The following NACC2 variants were observed in gnomAD, a reference collection of about 807,000 sequenced individuals.
The protein encoded by NACC2 is nucleus accumbens-associated protein 2.
NACC2 carries 8 observed loss-of-function variants against 25.1 expected under a neutral mutation model. The observed-to-expected ratio is 0.32, with a 90% CI of 0.19 to 0.57. NACC2 has a LOEUF of 0.57. NACC2 is among the 20% of genes least tolerant of loss of function. The pLI, the probability that NACC2 is intolerant of heterozygous loss-of-function variation, is 0.89. For synonymous variants in NACC2, 435 were observed against 294.7 expected (o/e 1.48, Z -4.88); for missense variants, 644 against 650.2 (o/e 0.99, Z 0.10).
At chr9:136,031,342 C>CATTT (rs113507139) in intron 2 of NACC2, among the ~76,000 whole-genome samples, 4,190 of 152,088 alleles carry the variant, frequency 0.028, 205 homozygotes, top group African/African-American at 0.097. Context: ...TTCATTCATT[C>CATTT]ATTCATTCAT....
intron 2 of NACC2, among the ~76,000 whole-genome samples, chr9:136,042,749 GACAGAGACACACAC>G (rs1171837423): frequency 2.1e-5 from 3 of 142,968 alleles, no homozygotes; most frequent in Non-Finnish European, 3.0e-5. Context: ...CAGACACAGA[GACAGAGACACACAC>G]ACAGAGACAC....
At chr9:136,045,922 A>C (rs1588569712) in intron 2 of NACC2, among the ~76,000 whole-genome samples, 1 of 150,754 alleles carries the variant, frequency 6.6e-6, no homozygotes, top group East Asian at 2.0e-4. Flanking sequence ...GGCGCTGCCC[A>C]CCCGGCCGGC....
In NACC2 at chr9:136,020,431, C is replaced by T. The variant is rs1420333406; in HGVS notation, c.887-4002G>A. Among the ~76,000 whole-genome samples the T allele has an allele frequency of 6.6e-6, 1 of 152,072 alleles. No homozygotes were observed. Among genetic ancestry groups the T allele is most frequent in the East Asian group, 1.9e-4 (1 of 5,158 alleles). On this transcript the variant is annotated intron_variant, in intron 2 of 5. Transcript: ENST00000277554. The surrounding 1 kb of genome is among the most constrained non-coding windows in gnomAD (Gnocchi z 4.7). ...CAGAGTGTGTCATCGGGGACTCGCC[C>T]AGGTGACACCATCAGAGACCACGCA...
In NACC2 at chr9:136,055,906, TG is replaced by T. The variant is rs1840917583; in HGVS notation, c.-59-5327del. Among the ~76,000 whole-genome samples, 2 of 152,082 alleles carry T rather than the reference TG, an allele frequency of 1.3e-5. No homozygotes were observed. The highest frequency in any genetic ancestry group is 4.8e-5 in the African/African-American group (2 of 41,404). The stretch of plus-strand genomic sequence containing the variant: ...CCTGGAGCGTGAGAAGGTGTGGGGA[TG>T]GGGCGGGCCTGCTGTGCCAGGTGCT... On this transcript the variant is annotated intron_variant, in intron 1 of 5. Transcript: ENST00000277554. This position sits in a 1 kb window ranked among gnomAD's most constrained non-coding sequence, Gnocchi z 4.9.
chr9:136,066,913 T>C (rs1358056559), intron 1 of NACC2, among the ~76,000 whole-genome samples: 7 of 149,592 alleles, frequency 4.7e-5, no homozygotes, highest in Non-Finnish European at 8.9e-5. Flanking sequence ...ATTCCATTTA[T>C]ATAAAATGTC....
chr9:136,017,271 C>T (rs1840217846), intron 2 of NACC2, among the ~76,000 whole-genome samples: 1 of 152,172 alleles, frequency 6.6e-6, no homozygotes, highest in African/African-American at 2.4e-5. Context: ...CAGAGACGGG[C>T]CCCTCGGAGG....
intron 1 of NACC2, among the ~76,000 whole-genome samples, chr9:136,052,451 G>A (rs7033408): frequency 0.067 from 10,071 of 150,542 alleles, 595 homozygotes; most frequent in East Asian, 0.18. Context: ...GGGAGGGGGT[G>A]AGGGGGTCAG....
At chr9:136,046,389 C>T (rs1383655084) in intron 2 of NACC2, among the ~76,000 whole-genome samples, 1 of 152,218 alleles carries the variant, frequency 6.6e-6, no homozygotes, top group Non-Finnish European at 1.5e-5. Context: ...CACCCCACCC[C>T]CAGCTCATCT....
intron 2 of NACC2, among the ~76,000 whole-genome samples, chr9:136,044,533 C>G (rs980689516): frequency 2.0e-5 from 3 of 152,124 alleles, no homozygotes; most frequent in Admixed American, 1.3e-4. Flanking sequence ...TGGGCCCCAC[C>G]CTATCCAGGC....
At chr9:136,012,663 T>C (rs939912797) in intron 5 of NACC2, among the ~76,000 whole-genome samples, 2 of 151,758 alleles carry the variant, frequency 1.3e-5, no homozygotes, top group Non-Finnish European at 1.5e-5. Context: ...TTTTTTTTTT[T>C]TTTTTTTTTT....
chr9:136,042,715 C>T (rs947589329), intron 2 of NACC2, among the ~76,000 whole-genome samples: 1 of 149,834 alleles, frequency 6.7e-6, no homozygotes, highest in Non-Finnish European at 1.5e-5. Flanking sequence ...GACACAGAGA[C>T]ACACACACAG....
intron 1 of NACC2, among the ~76,000 whole-genome samples, chr9:136,077,825 T>C (rs112168981): frequency 2.6e-5 from 4 of 152,300 alleles, no homozygotes; most frequent in African/African-American, 9.6e-5. Flanking sequence ...GTTTGAAAAG[T>C]GAATAAGGAA....
chr9:136,033,038 T>C (rs1840496638), intron 2 of NACC2, among the ~76,000 whole-genome samples: 1 of 151,828 alleles, frequency 6.6e-6, no homozygotes, highest in Non-Finnish European at 1.5e-5. Context: ...AAGTTGGGCA[T>C]GGTGGCACAC....
chr9:136,047,123 G>A (rs1347647852), intron 2 of NACC2, among the ~76,000 whole-genome samples: 3 of 152,152 alleles, frequency 2.0e-5, no homozygotes, highest in Non-Finnish European at 2.9e-5. Context: ...AGCCCAGAGA[G>A]ACAGCTACCT....
intron 1 of NACC2, among the ~76,000 whole-genome samples, chr9:136,077,792 G>A (rs1830278809): frequency 1.3e-5 from 2 of 152,246 alleles, no homozygotes; most frequent in South Asian, 4.1e-4. Flanking sequence ...TATTTATAAA[G>A]TAATAAAAGG....
intron 5 of NACC2, among the ~76,000 whole-genome samples, chr9:136,012,483 G>T (rs1294734870): frequency 6.6e-6 from 1 of 152,234 alleles, no homozygotes; most frequent in African/African-American, 2.4e-5. Context: ...GCCAAGGCCG[G>T]GTCATTCCTC....
chr9:136,089,236 C>T (rs974244823), intron 1 of NACC2, among the ~76,000 whole-genome samples: 8 of 152,102 alleles, frequency 5.3e-5, no homozygotes, highest in Non-Finnish European at 8.8e-5. Flanking sequence ...CTGGGGACCC[C>T]ACCCAGATCT....
chr9:136,062,257 C>A (rs1052874484), intron 1 of NACC2, among the ~76,000 whole-genome samples: 2 of 152,044 alleles, frequency 1.3e-5, no homozygotes, highest in Non-Finnish European at 1.5e-5. Context: ...AAATACTTCC[C>A]CCCAACGCCA....
At position 136,050,591 on chromosome 9, in the gene NACC2, C is replaced by T; in HGVS notation, c.-59-11G>A. On this transcript the variant is annotated splice_polypyrimidine_tract_variant and intron_variant, in intron 1 of 5. Transcript: ENST00000277554. ...CCTAGCGGGGCTCATCTGTGGGGGG[C>T]AGGAGGCACGTGGTCAGTTCCTCCA... 1 of 711,128 alleles carries T rather than the reference C, an allele frequency of 1.4e-6. No homozygotes were observed. The highest frequency in any genetic ancestry group is 2.0e-5 in the Admixed American group (1 of 51,258). The allele number at this position is 711,128 out of a possible 1,614,324, so 44.1% of individuals were successfully genotyped here. A position where few individuals can be genotyped will look rare whatever the true frequency, so the allele number is the denominator to read the frequency against.
Sources: gnomAD v4.1 joint callset for allele counts (sites outside exome capture counted in the v4.1 genomes callset) on GRCh38, gnomAD v4.1.1 for gene constraint, Gnocchi (gnomAD v3.1) non-coding constraint, MANE v1.5 for transcripts, NCBI Gene and HGNC (gene_info 2026-07-23, HGNC 2026-07-21) for gene names.